SYNM: variants seen among roughly 807,000 people sequenced by gnomAD.
SYNM encodes the protein desmuslin.
Under a neutral mutation model 104.0 loss-of-function variants are expected in SYNM, and 95 were observed. The ratio of observed to expected loss-of-function variants is 0.91; its 90% CI spans 0.77 to 1.08. The LOEUF is 1.08. Among genes scored for constraint, SYNM ranks in the 50% least tolerant of loss-of-function variants. SYNM has a pLI of 0.00. For synonymous variants in SYNM, 918 were observed against 869.0 expected (o/e 1.06, Z -0.99); for missense variants, 2,150 against 2,052.2 (o/e 1.05, Z -0.92).
intron 1 of SYNM, among the ~76,000 whole-genome samples, chr15:99,110,444 A>C (rs1555483290): frequency 1.3e-5 from 2 of 152,224 alleles, no homozygotes; most frequent in African/African-American, 2.4e-5. Flanking sequence ...CCCACCTGGA[A>C]TTGTAAAATA....
intron 1 of SYNM, among the ~76,000 whole-genome samples, chr15:99,112,518 G>A (rs1555483496): frequency 6.6e-6 from 1 of 152,100 alleles, no homozygotes; most frequent in African/African-American, 2.4e-5. Flanking sequence ...ATTTAATTGA[G>A]CAGCTATGTG....
chr15:99,107,814 G>C (rs2067261275), intron 1 of SYNM, among the ~76,000 whole-genome samples: 1 of 152,116 alleles, frequency 6.6e-6, no homozygotes, highest in Non-Finnish European at 1.5e-5. Flanking sequence ...CCTGCCCTCA[G>C]AGTGAGGCTG....
chr15:99,127,021 G>A (rs547428314), intron 3 of SYNM, among the ~76,000 whole-genome samples: 6 of 152,316 alleles, frequency 3.9e-5, no homozygotes, highest in South Asian at 4.1e-4. Flanking sequence ...TCCCTCTCTC[G>A]ACAGGATGCA....
At chr15:99,109,122 G>T (rs1277891236) in intron 1 of SYNM, among the ~76,000 whole-genome samples, 2 of 152,160 alleles carry the variant, frequency 1.3e-5, no homozygotes, top group Non-Finnish European at 2.9e-5. Context: ...ATGCTTGCTA[G>T]GATTCTACTT....
downstream of SYNM, chr15:99,137,628 TG>T (rs2151817644): frequency 5.7e-6 from 1 of 175,228 alleles, no homozygotes; most frequent in African/African-American, 2.3e-5. Flanking sequence ...TGAAGTTCAC[TG>T]TCCAGATCTA....
chr15:99,110,709 G>A (rs73476358), intron 1 of SYNM, among the ~76,000 whole-genome samples: 18,078 of 152,220 alleles, frequency 0.12, 1,215 homozygotes, highest in East Asian at 0.3. Context: ...ACAGCAGCAT[G>A]CCTTTCCTGG....
Position 99,131,582 on chromosome 15 carries a change from C to A in SYNM, c.3222C>A (p.Tyr1074Ter), listed in dbSNP as rs1555485927. Reference sequence around the variant, plus strand: ...GGCGTTGGGCCACCCGGGAGCTGTACATCCCTTCAGGCGAGAGCGAGGTTG... The same window carrying A: ...GGCGTTGGGCCACCCGGGAGCTGTAAATCCCTTCAGGCGAGAGCGAGGTTG... Reference protein sequence around the residue: ...RFRRWATRELYIPSGESEVAG... With the variant: ...RFRRWATREL Residue 1074 changes from tyrosine to a stop codon, truncating the protein, a stop_gained, in exon 4 of 4, where the codon TAC becomes TAA. Coordinates refer to ENST00000336292, the MANE Select transcript of SYNM (RefSeq NM_145728.3). LOFTEE classifies it high-confidence loss of function. The surrounding 1 kb of genome is among the most constrained non-coding windows in gnomAD (Gnocchi z 4.3). The A allele has an allele frequency of 6.2e-7, 1 of 1,609,842 alleles. No individual in the cohort carries two copies. Among genetic ancestry groups the A allele is most frequent in the Admixed American group, 1.7e-5 (1 of 59,968 alleles).
At chr15:99,117,562 A>T (rs73478109) in intron 2 of SYNM, among the ~76,000 whole-genome samples, 5,693 of 152,194 alleles carry the variant, frequency 0.037, 333 homozygotes, top group African/African-American at 0.13. Flanking sequence ...GGGCAGTTGG[A>T]TTTTTCTATT....
At position 99,132,680 on chromosome 15, in the gene SYNM, G is replaced by C. The variant is rs781871995; in HGVS notation, c.4320G>C (p.Lys1440Asn). Reference sequence around the variant, plus strand: ...CAGCGGACTCCCCTGAGCTAGGCAAGTTAGCAGACAGCAGCAGAACGCTAA... The same window carrying C: ...CAGCGGACTCCCCTGAGCTAGGCAACTTAGCAGACAGCAGCAGAACGCTAA... ...AGSADSPELG[K>N]LADSSRTLRH... The change falls in exon 4 of 4, where the codon AAG (lysine) becomes AAC (asparagine). Residue 1440 changes from lysine (K) to asparagine (N), a missense_variant. Physicochemically the swap from Lys to Asn is moderately conservative, Grantham distance 94. Coordinates refer to ENST00000336292, the MANE Select transcript of SYNM (RefSeq NM_145728.3). 1 of 1,613,908 alleles carries C rather than the reference G, an allele frequency of 6.2e-7. No individual in the cohort carries two copies. Among genetic ancestry groups the C allele is most frequent in the African/African-American group, 1.3e-5 (1 of 74,934 alleles).
intron 1 of SYNM, 53 bp downstream of exon 1, chr15:99,106,062 C>G (rs2067239146): frequency 7.3e-7 from 1 of 1,363,310 alleles, no homozygotes; most frequent in African/African-American, 1.5e-5. Flanking sequence ...GTCGCCCCAG[C>G]ACCCTGCCCT....
chr15:99,119,588 C>T (rs979249886), intron 2 of SYNM, among the ~76,000 whole-genome samples: 1 of 152,178 alleles, frequency 6.6e-6, no homozygotes, highest in Admixed American at 6.5e-5. Flanking sequence ...CGGCAGTCCC[C>T]TTAGAGCTGC....
rs782610863 is a variant in SYNM at position 99,132,473 on chromosome 15, C to G, written c.4113C>G (p.Thr1371=). Residue 1371 remains threonine (T), a synonymous_variant, in exon 4 of 4, where the codon ACC becomes ACG. Coordinates refer to ENST00000336292, the MANE Select transcript of SYNM (RefSeq NM_145728.3). ...GRQTVMTEKS[T]FQSVVSESPQ... is the part of the protein sequence containing the mutation. ...AAACCGTTATGACTGAAAAGAGCAC[C>G]TTCCAAAGTGTCGTTTCTGAATCTC... is the stretch of plus-strand genomic sequence containing the variant. 3 of 1,613,890 alleles carry G rather than the reference C, an allele frequency of 1.9e-6. No individual in the cohort carries two copies. The highest frequency in any genetic ancestry group is 2.7e-5 in the African/African-American group (2 of 74,922).
chr15:99,113,785 TCTAGGGACCGTAGC>T, intron 2 of SYNM, 70 bp downstream of exon 2: 1 of 1,580,378 alleles, frequency 6.3e-7, no homozygotes, highest in South Asian at 1.2e-5. Context: ...AGGAAACTGG[TCTAGGGACCGTAGC>T]CTTTGTGGAG....
intron 2 of SYNM, among the ~76,000 whole-genome samples, chr15:99,121,211 C>T (rs1301478834): frequency 1.3e-5 from 2 of 151,970 alleles, no homozygotes; most frequent in Non-Finnish European, 1.5e-5. Context: ...GGGCCTTGAA[C>T]GCTGGGAAGC....
At position 99,133,123 on chromosome 15, in the gene SYNM, C is replaced by G. The variant is rs1405262000; in HGVS notation, c.*65C>G. ...ACGTGCCAACATCCAAAGGCCTTAACTTATTTTAAGAGGCCGAGGGAGTCT... is the reference window on the plus strand; with the variant it reads ...ACGTGCCAACATCCAAAGGCCTTAAGTTATTTTAAGAGGCCGAGGGAGTCT... On this transcript the variant is annotated 3_prime_UTR_variant, in exon 4 of 4. Coordinates refer to ENST00000336292, the MANE Select transcript of SYNM (RefSeq NM_145728.3). The G allele has an allele frequency of 1.9e-6, 3 of 1,588,666 alleles. No homozygotes were observed. The highest frequency in any genetic ancestry group is 1.1e-5 in the South Asian group (1 of 88,116).
intron 1 of SYNM, 58 bp downstream of exon 1, chr15:99,106,067 T>C: frequency 7.4e-7 from 1 of 1,349,672 alleles, no homozygotes; most frequent in Non-Finnish European, 9.5e-7. Context: ...CCCAGCACCC[T>C]GCCCTTGACG....
intron 2 of SYNM, among the ~76,000 whole-genome samples, chr15:99,119,757 C>G (rs1555484333): frequency 6.6e-6 from 1 of 152,170 alleles, no homozygotes; most frequent in Non-Finnish European, 1.5e-5. Context: ...AGAGTCATGT[C>G]AAAATGAATA....
Position 99,131,933 on chromosome 15 carries a change from C to T in SYNM, c.3573C>T (p.Gly1191=), listed in dbSNP as rs187379880. 1,952 of 1,613,788 alleles carry T rather than the reference C, an allele frequency of 1.2e-3. 6 individuals are homozygous for T. The highest frequency in any genetic ancestry group is 7.8e-4 in the Non-Finnish European group (915 of 1,179,842). ...TGTCCAGAGAAGTCATCTTCCTAGG[C>T]CCTGCCCCTGCCTGTCCAGAGGCAT... ...SPLSREVIFL[G]PAPACPEAWG... is the part of the protein sequence containing the mutation. The change falls in exon 4 of 4, where the codon GGC becomes GGT. Residue 1191 remains glycine, a synonymous_variant. Coordinates refer to ENST00000336292, the MANE Select transcript of SYNM (RefSeq NM_145728.3). The surrounding 1 kb of genome is among the most constrained non-coding windows in gnomAD (Gnocchi z 4.3).
intron 1 of SYNM, among the ~76,000 whole-genome samples, chr15:99,110,253 G>A (rs986643521): frequency 2.6e-5 from 4 of 152,164 alleles, no homozygotes; most frequent in African/African-American, 9.7e-5. Context: ...GAAGAACTGC[G>A]CTTGGCACAC....
Sources: gnomAD v4.1 joint callset for allele counts (sites outside exome capture counted in the v4.1 genomes callset) on GRCh38, gnomAD v4.1.1 for gene constraint, Gnocchi (gnomAD v3.1) non-coding constraint, MANE v1.5 for transcripts, NCBI Gene and HGNC (gene_info 2026-07-23, HGNC 2026-07-21) for gene names.